The following ELOVL6 variants were observed in gnomAD, a reference collection of about 807,000 sequenced individuals.
The protein encoded by ELOVL6 is ELOVL fatty acid elongase 6, also known as very long chain fatty acid elongase 6.
Under a neutral mutation model 31.7 loss-of-function variants are expected in ELOVL6, and 8 were observed. The ratio of observed to expected loss-of-function variants is 0.25; its 90% CI spans 0.15 to 0.45. ELOVL6 has a LOEUF of 0.45. ELOVL6 is among the 20% of genes least tolerant of loss of function. The pLI, the probability that ELOVL6 is intolerant of heterozygous loss-of-function variation, is 1.00. For synonymous variants in ELOVL6, 101 were observed against 117.7 expected, an observed-to-expected ratio of 0.86 and a Z score of 0.92; for missense variants, 126 against 326.4, an observed-to-expected ratio of 0.39 and a Z score of 4.73.
At chr4:110,063,770 A>C (rs1450774731) in intron 2 of ELOVL6, among the ~76,000 whole-genome samples, 1 of 151,878 alleles carries the variant, frequency 6.6e-6, no homozygotes, top group Non-Finnish European at 1.5e-5. Context: ...AAAGAAAATA[A>C]AAGAAAAAAA....
At position 110,046,329 on chromosome 4, in the gene ELOVL6, T is replaced by A. The variant is rs1292078531; in HGVS notation, c.*5009A>T. On this transcript the variant is annotated 3_prime_UTR_variant, in exon 4 of 4. Transcript: ENST00000302274. ...ATTTAACCAGTTACTTCAGAAGAGGTTACTACAATGCAGTGTTGGTTTGGA... is the reference window on the plus strand; with the variant it reads ...ATTTAACCAGTTACTTCAGAAGAGGATACTACAATGCAGTGTTGGTTTGGA... 1 of 152,158 alleles carries A rather than the reference T, an allele frequency of 6.6e-6. No individual in the cohort carries two copies. The highest frequency in any genetic ancestry group is 2.4e-5 in the African/African-American group (1 of 41,432). The allele number at this position is 152,158 out of a possible 1,614,324, so 9.4% of individuals were successfully genotyped here.
At chr4:110,176,356 T>C (rs1418646292) in intron 1 of ELOVL6, among the ~76,000 whole-genome samples, 2 of 152,032 alleles carry the variant, frequency 1.3e-5, no homozygotes, top group African/African-American at 4.8e-5. Flanking sequence ...AGAGATGGGG[T>C]TTCACCATGT....
intron 2 of ELOVL6, among the ~76,000 whole-genome samples, chr4:110,098,244 C>T (rs568794552): frequency 2.8e-4 from 42 of 151,964 alleles, no homozygotes; most frequent in Non-Finnish European, 5.4e-4. Context: ...AACTATAAAC[C>T]GATCATTATT....
intron 1 of ELOVL6, among the ~76,000 whole-genome samples, chr4:110,172,145 G>C (rs1758967923): frequency 6.6e-6 from 1 of 152,122 alleles, no homozygotes; most frequent in African/African-American, 2.4e-5. Context: ...CTTGGCTGGG[G>C]AGAGCAGGTA....
chr4:110,126,117 C>T (rs1475622242), intron 1 of ELOVL6, among the ~76,000 whole-genome samples: 1 of 151,962 alleles, frequency 6.6e-6, no homozygotes, highest in African/African-American at 2.4e-5. Context: ...GATCTTGGCT[C>T]ACTGCAACCT....
At chr4:110,135,123 C>T (rs976298588) in intron 1 of ELOVL6, among the ~76,000 whole-genome samples, 12 of 152,098 alleles carry the variant, frequency 7.9e-5, no homozygotes, top group African/African-American at 2.2e-4. Flanking sequence ...AACTGGTTGA[C>T]GATAAGAGAA....
At chr4:110,165,902 G>A (rs947836677) in intron 1 of ELOVL6, among the ~76,000 whole-genome samples, 3 of 152,144 alleles carry the variant, frequency 2.0e-5, no homozygotes, top group African/African-American at 7.2e-5. Context: ...TCTGGGAAGT[G>A]GGAAAAGAGG....
intron 1 of ELOVL6, among the ~76,000 whole-genome samples, chr4:110,109,232 T>A (rs1216305853): frequency 6.6e-6 from 1 of 152,190 alleles, no homozygotes; most frequent in African/African-American, 2.4e-5. Context: ...AGATAATCAG[T>A]CATTTTGAGA....
chr4:110,159,963 G>A (rs972135435), intron 1 of ELOVL6, among the ~76,000 whole-genome samples: 2 of 151,992 alleles, frequency 1.3e-5, no homozygotes, highest in African/African-American at 2.4e-5. Flanking sequence ...TATTCATGTC[G>A]TTATTATTGA....
intron 1 of ELOVL6, among the ~76,000 whole-genome samples, chr4:110,134,421 C>A (rs1036317625): frequency 2.6e-5 from 4 of 152,040 alleles, no homozygotes; most frequent in South Asian, 2.1e-4. Context: ...CACTATGACA[C>A]ATGGAAGAAT....
chr4:110,174,381 G>T (rs1259522641), intron 1 of ELOVL6, among the ~76,000 whole-genome samples: 1 of 152,084 alleles, frequency 6.6e-6, no homozygotes, highest in Non-Finnish European at 1.5e-5. Context: ...GGCCAGGCTG[G>T]TCTTGAACCC....
At chr4:110,053,021 T>C (rs1309777804) in intron 3 of ELOVL6, among the ~76,000 whole-genome samples, 2 of 152,200 alleles carry the variant, frequency 1.3e-5, no homozygotes, top group Non-Finnish European at 2.9e-5. Flanking sequence ...GAAAACTTGA[T>C]CTCCTGGGCT....
intron 1 of ELOVL6, among the ~76,000 whole-genome samples, chr4:110,131,626 T>A (rs908029733): frequency 1.3e-5 from 2 of 152,048 alleles, no homozygotes; most frequent in South Asian, 2.1e-4. Context: ...AAAAAAATTT[T>A]AAAAACTAAA....
intron 1 of ELOVL6, among the ~76,000 whole-genome samples, chr4:110,183,501 T>C (rs1237866812): frequency 1.3e-5 from 2 of 152,228 alleles, no homozygotes; most frequent in African/African-American, 2.4e-5. Context: ...CCTCAGGCCA[T>C]GGTCACTCAT....
chr4:110,157,670 C>CAA lies in ELOVL6; in HGVS notation c.89+40575_89+40576dup, dbSNP rs201482289. On this transcript the variant is annotated intron_variant, in intron 1 of 3. Coordinates refer to ENST00000302274, the MANE Select transcript of ELOVL6 (RefSeq NM_024090.3). ...TGGGTGAAAGAGCAAGGCTCCGTCTCAAAAAAAAAAAAAATTTCTTGGATA... is the reference window on the plus strand; with the variant it reads ...TGGGTGAAAGAGCAAGGCTCCGTCTCAAAAAAAAAAAAAAAATTTCTTGGATA... Among the ~76,000 whole-genome samples, 158 of 133,688 alleles carry CAA rather than the reference C, an allele frequency of 1.2e-3. 3 individuals are homozygous for CAA. In the East Asian group the frequency reaches 0.024, roughly 21 times the overall value. The allele number at this position is 133,688 out of a possible 152,430, so 87.7% of individuals were successfully genotyped here.
At chr4:110,065,261 C>A (rs925599713) in intron 2 of ELOVL6, among the ~76,000 whole-genome samples, 6 of 152,006 alleles carry the variant, frequency 3.9e-5, no homozygotes, top group Non-Finnish European at 2.9e-5. Context: ...TTTATTTTTT[C>A]TTGTGTAGGT....
chr4:110,074,840 G>A (rs772628562), intron 2 of ELOVL6, among the ~76,000 whole-genome samples: 14 of 152,116 alleles, frequency 9.2e-5, no homozygotes, highest in Non-Finnish European at 1.9e-4. Flanking sequence ...CCCGTAACTG[G>A]CCTTGGCACT....
chr4:110,122,086 C>T (rs1757373293), intron 1 of ELOVL6, among the ~76,000 whole-genome samples: 4 of 152,168 alleles, frequency 2.6e-5, no homozygotes, highest in Admixed American at 2.6e-4. Context: ...CCCACTTAGA[C>T]TGACTTATTC....
chr4:110,069,179 T>C (rs529922595), intron 2 of ELOVL6, among the ~76,000 whole-genome samples: 35 of 147,232 alleles, frequency 2.4e-4, no homozygotes, highest in Non-Finnish European at 5.1e-4. Flanking sequence ...ATAGGGACAC[T>C]TGGTACCATA....
Sources: gnomAD v4.1 joint callset for allele counts (sites outside exome capture counted in the v4.1 genomes callset) on GRCh38, gnomAD v4.1.1 for gene constraint, MANE v1.5 for transcripts, NCBI Gene and HGNC (gene_info 2026-07-23, HGNC 2026-07-21) for gene names.